The following SNTG1 variants were observed in gnomAD, a reference collection of about 807,000 sequenced individuals.
SNTG1 encodes gamma-1-syntrophin.
In SNTG1, 39 loss-of-function variants were observed where a neutral mutation model predicts 74.7. The observed-to-expected ratio is 0.52, with a 90% CI of 0.40 to 0.68. SNTG1 has a LOEUF of 0.68. SNTG1 is among the 30% of genes least tolerant of loss of function. SNTG1 has a pLI of 0.00. For synonymous variants in SNTG1, 254 were observed against 217.1 expected, an observed-to-expected ratio of 1.17 and a Z score of -1.49; for missense variants, 685 against 609.5, an observed-to-expected ratio of 1.12 and a Z score of -1.30.
At chr8:50,238,733 A>G (rs1358148175) in intron 2 of SNTG1, among the ~76,000 whole-genome samples, 2 of 152,226 alleles carry the variant, frequency 1.3e-5, no homozygotes. Flanking sequence ...ACATATTTGC[A>G]AAGTATGCTT....
chr8:50,324,447 A>T (rs527892960), intron 2 of SNTG1, among the ~76,000 whole-genome samples: 5 of 152,048 alleles, frequency 3.3e-5, no homozygotes, highest in African/African-American at 1.2e-4. Context: ...TGTTCACATG[A>T]TTTTCGGTTC....
At chr8:49,961,657 GA>G (rs1563400000) in intron 1 of SNTG1, among the ~76,000 whole-genome samples, 1 of 152,160 alleles carries the variant, frequency 6.6e-6, no homozygotes, top group East Asian at 1.9e-4. Flanking sequence ...ATTATTGCAC[GA>G]GAATATGCCT....
chr8:50,190,250 C>A (rs537712849), intron 2 of SNTG1, among the ~76,000 whole-genome samples: 1 of 152,214 alleles, frequency 6.6e-6, no homozygotes, highest in Non-Finnish European at 1.5e-5. Flanking sequence ...TATTATATTT[C>A]ATAGAATATG....
intron 1 of SNTG1, among the ~76,000 whole-genome samples, chr8:50,137,413 G>A (rs892083520): frequency 1.2e-4 from 18 of 152,090 alleles, no homozygotes; most frequent in African/African-American, 4.1e-4. Flanking sequence ...CTTTCATTTA[G>A]CAATGGTTTA....
intron 1 of SNTG1, among the ~76,000 whole-genome samples, chr8:49,978,471 C>G (rs1449604117): frequency 6.6e-6 from 1 of 152,176 alleles, no homozygotes; most frequent in Non-Finnish European, 1.5e-5. Context: ...CAGGCTTCCT[C>G]AATCTAAAAT....
intron 1 of SNTG1, among the ~76,000 whole-genome samples, chr8:50,050,955 TA>T (rs1819518336): frequency 6.6e-6 from 1 of 151,896 alleles, no homozygotes; most frequent in Non-Finnish European, 1.5e-5. Flanking sequence ...CCTTTCATGA[TA>T]AAAATACCCA....
At chr8:50,184,963 CAA>C (rs1380392434) in intron 2 of SNTG1, among the ~76,000 whole-genome samples, 1 of 152,044 alleles carries the variant, frequency 6.6e-6, no homozygotes, top group African/African-American at 2.4e-5. Flanking sequence ...TTTAACAAAA[CAA>C]AGAAAAATTT....
intron 5 of SNTG1, among the ~76,000 whole-genome samples, chr8:50,439,136 A>C (rs2131571425): frequency 6.6e-6 from 1 of 152,232 alleles, no homozygotes; most frequent in Admixed American, 6.6e-5. Context: ...TTTATTATCA[A>C]ATTTTAAAGG....
intron 2 of SNTG1, among the ~76,000 whole-genome samples, chr8:50,336,742 T>C (rs2091157096): frequency 6.6e-6 from 1 of 152,192 alleles, no homozygotes; most frequent in South Asian, 2.1e-4. Flanking sequence ...GTATTTGTCT[T>C]AGTAATAATA....
intron 1 of SNTG1, among the ~76,000 whole-genome samples, chr8:50,058,668 A>G (rs1011055227): frequency 6.6e-6 from 1 of 152,120 alleles, no homozygotes; most frequent in Non-Finnish European, 1.5e-5. Context: ...GGCACAATAA[A>G]GCAACGAGGA....
At chr8:50,109,836 G>A (rs907819529) in intron 1 of SNTG1, among the ~76,000 whole-genome samples, 1 of 152,156 alleles carries the variant, frequency 6.6e-6, no homozygotes, top group Admixed American at 6.5e-5. Context: ...CCAGTGTGCC[G>A]GCAACAGCCC....
chr8:50,666,058 A>G (rs1043237565), intron 15 of SNTG1, among the ~76,000 whole-genome samples: 3 of 152,180 alleles, frequency 2.0e-5, no homozygotes, highest in East Asian at 1.9e-4. Flanking sequence ...CAGGTTCATG[A>G]CATTCCCACT....
At chr8:50,149,470 C>G (rs1489794247) in intron 1 of SNTG1, among the ~76,000 whole-genome samples, 1 of 152,140 alleles carries the variant, frequency 6.6e-6, no homozygotes, top group East Asian at 1.9e-4. Context: ...CTTGCCCATG[C>G]CTATGTCCTG....
intron 2 of SNTG1, among the ~76,000 whole-genome samples, chr8:50,242,347 G>A (rs540895446): frequency 6.6e-6 from 1 of 151,736 alleles, no homozygotes; most frequent in East Asian, 2.0e-4. Flanking sequence ...TGGTCAACAT[G>A]GCGAAACCCC....
chr8:50,585,511 A>C (rs2130845716), intron 12 of SNTG1, among the ~76,000 whole-genome samples: 1 of 152,316 alleles, frequency 6.6e-6, no homozygotes, highest in African/African-American at 2.4e-5. Context: ...TTGGTTTCTA[A>C]GAAGTGTAAC....
intron 4 of SNTG1, among the ~76,000 whole-genome samples, chr8:50,425,658 A>G (rs1048418480): frequency 2.0e-5 from 3 of 152,312 alleles, no homozygotes; most frequent in Non-Finnish European, 4.4e-5. Flanking sequence ...ATCGTTTTCC[A>G]TGAAACCAGT....
chr8:49,916,513 T>C (rs2450288), intron 1 of SNTG1, among the ~76,000 whole-genome samples: 20,072 of 152,196 alleles, frequency 0.13, 1,504 homozygotes, highest in Middle Eastern at 0.2. Flanking sequence ...ATGTACATAC[T>C]TGAAGATATT....
At chr8:50,614,199 A>G (rs1026314340) in intron 13 of SNTG1, among the ~76,000 whole-genome samples, 2 of 152,194 alleles carry the variant, frequency 1.3e-5, no homozygotes, top group Admixed American at 6.5e-5. Flanking sequence ...AAGGAATAAG[A>G]AAAATTAGAT....
chr8:50,470,443 A>G (rs13252396), intron 8 of SNTG1, among the ~76,000 whole-genome samples: 90,449 of 151,958 alleles, frequency 0.6, 31,261 homozygotes, highest in Non-Finnish European at 0.77. Flanking sequence ...AGATGTTCAG[A>G]TGTGTCTGGA....
Sources: gnomAD v4.1 joint callset for allele counts (sites outside exome capture counted in the v4.1 genomes callset) on GRCh38, gnomAD v4.1.1 for gene constraint, MANE v1.5 for transcripts, NCBI Gene and HGNC (gene_info 2026-07-23, HGNC 2026-07-21) for gene names.